Variants in FNBP4 observed in about 807,000 individuals in gnomAD.
The protein encoded by FNBP4 is formin-binding protein 4.
A neutral mutation model predicts 119.3 loss-of-function variants in FNBP4; 34 were observed. The observed-to-expected ratio is 0.28, with a 90% CI of 0.22 to 0.38. The LOEUF is 0.38. FNBP4 is among the 10% of genes least tolerant of loss of function. The pLI is 1.00. For missense variants in FNBP4, 1,112 were observed against 1,228.9 expected (o/e 0.90, Z 1.42); for synonymous variants, 462 against 430.6 (o/e 1.07, Z -0.90).
chr11:47,752,792 C>A, intron 4 of FNBP4, 124 bp downstream of exon 4: 1 of 906,848 alleles, frequency 1.1e-6, no homozygotes, highest in Non-Finnish European at 1.7e-6. Flanking sequence ...CCAGCCTGGG[C>A]GACAGAGCGA....
chr11:47,722,869 G>A, intron 15 of FNBP4, 107 bp downstream of exon 15: 1 of 1,296,218 alleles, frequency 7.7e-7, no homozygotes, highest in South Asian at 1.6e-5. Flanking sequence ...GGGATTACAG[G>A]CTTAAGCCAC....
At chr11:47,724,402 T>A (rs943541318) in intron 13 of FNBP4, 66 bp downstream of exon 13, 3 of 1,609,246 alleles carry the variant, frequency 1.9e-6, no homozygotes, top group Non-Finnish European at 2.5e-6. Flanking sequence ...GCTTCTAAAA[T>A]AAAACATGGT....
At chr11:47,724,936 TCC>T (rs1285502639) in intron 12 of FNBP4, 158 bp from the exon 13 acceptor site, 1 of 1,139,054 alleles carries the variant, frequency 8.8e-7, no homozygotes, top group African/African-American at 1.6e-5. Flanking sequence ...AGGGAATGGC[TCC>T]TTCCTTGAAA....
chr11:47,767,141 C>T lies in FNBP4; in HGVS notation c.148G>A (p.Ala50Thr), dbSNP rs1565175228. 6.5e-7 allele frequency: 1 copy of T among 1,544,228 alleles called. No individual in the cohort carries two copies. Among genetic ancestry groups the T allele is most frequent in the Non-Finnish European group, 8.7e-7 (1 of 1,150,340 alleles). ...GTGGTGGTCGTCGCCGCCGACGGGG[C>T]GGGCTGGCTGGGGACCGCCGCGGTT... ...DSTAAVPSQP[A>T]PSAATTTTTA... is the part of the protein sequence containing the mutation. The change falls in exon 1 of 17, where the codon GCC (alanine) becomes ACC (threonine). Residue 50 changes from alanine to threonine, a missense_variant. Transcript: ENST00000263773.
At chr11:47,738,847 A>ATTGTTTTTTTTTTTTTT (rs2097577752) in intron 8 of FNBP4, among the ~76,000 whole-genome samples, 1 of 110,954 alleles carries the variant, frequency 9.0e-6, no homozygotes, top group Non-Finnish European at 1.9e-5. Flanking sequence ...TGCCCAGGTA[A>ATTGTTTTTTTTTTTTTT]TTTTTTTTTT....
chr11:47,722,735 T>C (rs1318438161), intron 15 of FNBP4, among the ~76,000 whole-genome samples: 1 of 151,902 alleles, frequency 6.6e-6, no homozygotes, highest in Admixed American at 6.6e-5. Flanking sequence ...GGATTACAGG[T>C]GCGTGCCACC....
intron 8 of FNBP4, among the ~76,000 whole-genome samples, chr11:47,743,103 G>A (rs977119476): frequency 2.0e-5 from 3 of 152,052 alleles, no homozygotes; most frequent in Admixed American, 2.0e-4. Flanking sequence ...GCACTGGGCT[G>A]TTTTTGAACC....
At chr11:47,766,136 G>T (rs1293414122) in intron 1 of FNBP4, among the ~76,000 whole-genome samples, 1 of 151,922 alleles carries the variant, frequency 6.6e-6, no homozygotes, top group Non-Finnish European at 1.5e-5. Context: ...CGGGAAACAT[G>T]AACTCCGTCT....
At position 47,736,699 on chromosome 11, in the gene FNBP4, C is replaced by T. The variant is rs1387749604; in HGVS notation, c.1498G>A (p.Asp500Asn). ...ENSEKIDENS[D>N]KEMEVEESPE... ...GATTCTTCTACTTCCATCTCTTTAT[C>T]TGAATTCTCATCTATTTTTTCTGAA... The change falls in exon 9 of 17, where the codon GAT becomes AAT. Residue 500 changes from aspartate (D) to asparagine (N), a missense_variant. Asp to Asn is a conservative substitution (Grantham distance 23). Coordinates refer to ENST00000263773, the MANE Select transcript of FNBP4 (RefSeq NM_015308.5). The T allele has an allele frequency of 6.2e-7, 1 of 1,604,740 alleles. No homozygotes were observed. Among genetic ancestry groups the T allele is most frequent in the South Asian group, 1.1e-5 (1 of 90,454 alleles).
chr11:47,739,455 T>C (rs1466684848), intron 8 of FNBP4, among the ~76,000 whole-genome samples: 1 of 152,110 alleles, frequency 6.6e-6, no homozygotes, highest in Non-Finnish European at 1.5e-5. Context: ...CTAGAATGTT[T>C]TGGAGGGCAA....
intron 10 of FNBP4, among the ~76,000 whole-genome samples, chr11:47,733,378 G>A (rs1290375443): frequency 6.6e-6 from 1 of 151,114 alleles, no homozygotes; most frequent in Non-Finnish European, 1.5e-5. Context: ...TGGCTCTGTT[G>A]CCCAGGCTAG....
At chr11:47,717,743 T>G (rs1235522878) in intron 16 of FNBP4, among the ~76,000 whole-genome samples, 1 of 152,136 alleles carries the variant, frequency 6.6e-6, no homozygotes, top group African/African-American at 2.4e-5. Flanking sequence ...AGTGCATATT[T>G]ATTTATTTAT....
At chr11:47,756,397 T>G (rs970638290) in intron 2 of FNBP4, among the ~76,000 whole-genome samples, 5 of 152,186 alleles carry the variant, frequency 3.3e-5, no homozygotes, top group Non-Finnish European at 7.3e-5. Flanking sequence ...TAAATCTAGT[T>G]TTGTGTGTCA....
intron 2 of FNBP4, among the ~76,000 whole-genome samples, chr11:47,759,856 G>C (rs898891172): frequency 2.0e-5 from 3 of 152,124 alleles, no homozygotes; most frequent in African/African-American, 7.2e-5. Context: ...GGGAGGCTGA[G>C]GCAGGAGAAT....
intron 7 of FNBP4, among the ~76,000 whole-genome samples, chr11:47,744,406 T>TG (rs1451304409): frequency 7.0e-6 from 1 of 143,434 alleles, no homozygotes; most frequent in Non-Finnish European, 1.6e-5. Flanking sequence ...TCCAAGTAGC[T>TG]GGAACTACAG....
intron 6 of FNBP4, among the ~76,000 whole-genome samples, chr11:47,750,286 G>A (rs2097599384): frequency 6.8e-6 from 1 of 147,246 alleles, no homozygotes; most frequent in Admixed American, 7.1e-5. Flanking sequence ...GGCTGAGGCA[G>A]GAGAATCACT....
chr11:47,749,636 C>T (rs1345418489), intron 6 of FNBP4, among the ~76,000 whole-genome samples: 3 of 152,072 alleles, frequency 2.0e-5, no homozygotes, highest in African/African-American at 4.8e-5. Flanking sequence ...ATTCAATATA[C>T]ACTCCCTAAG....
chr11:47,763,149 C>A (rs1206019523), intron 2 of FNBP4, among the ~76,000 whole-genome samples: 2 of 152,018 alleles, frequency 1.3e-5, no homozygotes, highest in Non-Finnish European at 2.9e-5. Context: ...AAGAACAAGT[C>A]CTTGACTACT....
chr11:47,731,949 T>C (rs1326580426), intron 11 of FNBP4: 6 of 1,001,146 alleles, frequency 6.0e-6, no homozygotes, highest in Non-Finnish European at 7.1e-6. Context: ...AGGTGACTCT[T>C]CCCCTCTTGG....
Sources: allele counts gnomAD v4.1 joint callset (sites outside exome capture counted in the v4.1 genomes callset), GRCh38; gene constraint gnomAD v4.1.1; transcripts MANE v1.5; gene names NCBI Gene and HGNC (gene_info 2026-07-23, HGNC 2026-07-21).